The following KRT37 variants were observed in gnomAD, a reference collection of about 807,000 sequenced individuals.
The protein encoded by KRT37 is keratin, type I cuticular Ha7.
KRT37 carries 38 observed loss-of-function variants against 41.9 expected under a neutral mutation model. The ratio of observed to expected loss-of-function variants is 0.91; its 90% CI spans 0.70 to 1.19. The LOEUF is 1.19. Ranked by LOEUF, KRT37 falls within the 50% of genes most tolerant of loss-of-function variation. The pLI, the probability that KRT37 is intolerant of heterozygous loss-of-function variation, is 0.00. For missense variants in KRT37, 580 were observed against 575.5 expected (o/e 1.01, Z -0.08); for synonymous variants, 252 against 243.4 (o/e 1.04, Z -0.33).
At chr17:41,423,077 G>A (rs970945517) in intron 2 of KRT37, 143 bp from the exon 3 acceptor site, 2 of 999,484 alleles carry the variant, frequency 2.0e-6, no homozygotes, top group Non-Finnish European at 2.8e-6. Context: ...GCAGCGACAC[G>A]GTTTGTAGTC....
intron 3 of KRT37, 51 bp downstream of exon 3, chr17:41,422,727 C>T (rs375032314): frequency 5.4e-6 from 8 of 1,472,078 alleles, no homozygotes; most frequent in Non-Finnish European, 7.3e-6. Context: ...CCGGGGAGCT[C>T]CCCTGTCTGC....
At chr17:41,421,120 C>T (rs2018533676) in intron 6 of KRT37, 134 bp from the exon 7 acceptor site, 8 of 778,054 alleles carry the variant, frequency 1.0e-5, no homozygotes, top group Middle Eastern at 2.7e-4. Flanking sequence ...ACAGTTCTCT[C>T]ATCTGTGTCT....
At position 41,420,820 on chromosome 17, in the gene KRT37, G is replaced by A. The variant is rs2018528798; in HGVS notation, c.*58C>T. 1.7e-6 allele frequency: 2 copies of A among 1,145,462 alleles called. No homozygotes were observed. Among genetic ancestry groups the A allele is most frequent in the Admixed American group, 1.9e-5 (1 of 53,712 alleles). 71.0% of individuals were successfully genotyped at this position (1,145,462 alleles called of 1,614,324 possible). A position where few individuals can be genotyped will look rare whatever the true frequency, so the allele number is the denominator to read the frequency against. On this transcript the variant is annotated 3_prime_UTR_variant, in exon 7 of 7. Coordinates refer to ENST00000225550, the MANE Select transcript of KRT37 (RefSeq NM_003770.5). ...GTCTTGAAGGAAGACTGGGCAAGGT[G>A]AGGGCACTCCTGACCCCAGTGCAAC...
At position 41,423,816 on chromosome 17, in the gene KRT37, C is replaced by G; in HGVS notation, c.521G>C (p.Arg174Thr). Residue 174 changes from arginine (R) to threonine (T), a missense_variant, in exon 2 of 7, where the codon AGG becomes ACG. Physicochemically the swap from Arg to Thr is moderately conservative, Grantham distance 71. Coordinates refer to ENST00000225550, the MANE Select transcript of KRT37 (RefSeq NM_003770.5). ...KILCSKAENARLIVQIDNAKL... is the reference protein window; with the variant it reads ...KILCSKAENATLIVQIDNAKL... ...CGCGTTGTCAATTTGTACAATCAGC[C>G]TGGCATTCTCAGCCTTGCTGCACAG... 1 of 1,614,226 alleles carries G rather than the reference C, an allele frequency of 6.2e-7. No homozygotes were observed. The highest frequency in any genetic ancestry group is 8.5e-7 in the Non-Finnish European group (1 of 1,180,054).
At chr17:41,421,690 T>C (rs1043662118) in intron 5 of KRT37, 103 bp from the exon 6 acceptor site, 158 of 1,079,708 alleles carry the variant, frequency 1.5e-4, no homozygotes, top group South Asian at 1.2e-4. Flanking sequence ...CAAAATGTCA[T>C]AGGACATTCT....
Position 41,423,786 on chromosome 17 carries a change from A to G in KRT37, c.551T>C (p.Leu184Pro). The change falls in exon 2 of 7, where the codon CTG becomes CCG. Residue 184 changes from leucine to proline, a missense_variant. Coordinates refer to ENST00000225550, the MANE Select transcript of KRT37 (RefSeq NM_003770.5). ...CTTGATCCTAAAGTCATCAGCAGCC[A>G]GCTTCGCGTTGTCAATTTGTACAAT... is the stretch of plus-strand genomic sequence containing the variant. Reference protein sequence around the residue: ...RLIVQIDNAKLAADDFRIKLE... With the variant: ...RLIVQIDNAKPAADDFRIKLE... 6.2e-7 allele frequency: 1 copy of G among 1,614,208 alleles called. No individual in the cohort carries two copies. Among genetic ancestry groups the G allele is most frequent in the Non-Finnish European group, 8.5e-7 (1 of 1,180,030 alleles).
chr17:41,422,979 C>A, intron 2 of KRT37, 45 bp from the exon 3 acceptor site: 2 of 1,580,874 alleles, frequency 1.3e-6, no homozygotes, highest in South Asian at 2.3e-5. Flanking sequence ...GCCCCAATAG[C>A]CCCTCTCAGC....
rs1487251315 is a variant in KRT37, at chr17:41,421,578, G to C, written c.1030C>G (p.Leu344Val). 1 of 1,614,150 alleles carries C rather than the reference G, an allele frequency of 6.2e-7. No individual in the cohort carries two copies. ...TCCGCTTCACACAGGGAGTTCTGCAGACAGTCCTTCTGTAATGGGAAATAA... is the reference window on the plus strand; with the variant it reads ...TCCGCTTCACACAGGGAGTTCTGCACACAGTCCTTCTGTAATGGGAAATAA... The part of the protein sequence containing the change: ...RQAQHTLKDC[L>V]QNSLCEAEDR... Residue 344 changes from leucine to valine, a missense_variant, in exon 6 of 7, where the codon CTG becomes GTG. Physicochemically the swap from Leu to Val is conservative, Grantham distance 32 (BLOSUM62 1). Coordinates refer to ENST00000225550, the MANE Select transcript of KRT37 (RefSeq NM_003770.5).
At chr17:41,422,509 T>A in intron 3 of KRT37, 75 bp from the exon 4 acceptor site, 3 of 1,566,088 alleles carry the variant, frequency 1.9e-6, no homozygotes, top group Non-Finnish European at 2.6e-6. Flanking sequence ...CAGGACTCCG[T>A]CCCTGGCAAG....
chr17:41,421,726 A>G lies in KRT37; in HGVS notation c.1021-139T>C, dbSNP rs2018542333. ...CAGAGCTCTGGAGAAATCACTGTCA[A>G]CATGACCATGACTTCTCTCTCATGC... is the stretch of plus-strand genomic sequence containing the variant. On this transcript the variant is annotated intron_variant, in intron 5 of 6. Transcript: ENST00000225550. 4.8e-6 allele frequency: 4 copies of G among 835,848 alleles called. No homozygotes were observed. The South Asian group carries it at 5.3e-5, about 11-fold the overall frequency. 51.8% of individuals were successfully genotyped at this position (835,848 alleles called of 1,614,324 possible).
At position 41,422,864 on chromosome 17, in the gene KRT37, C is replaced by T. The variant is rs1407474978; in HGVS notation, c.646G>A (p.Asp216Asn). ...AGGTCGGCCTTGGCCAGGGTCGCGT[C>T]ATCCAGGAGCTTCTGCGTCCCGCAC... Reference protein sequence around the residue: ...DKCGTQKLLDDATLAKADLEA... With the variant: ...DKCGTQKLLDNATLAKADLEA... The change falls in exon 3 of 7, where the codon GAC becomes AAC. Residue 216 changes from aspartate (D) to asparagine (N), a missense_variant. By Grantham distance (23) the Asp-to-Asn change is conservative. Transcript: ENST00000225550. 9 of 1,614,174 alleles carry T rather than the reference C, an allele frequency of 5.6e-6. No homozygotes were observed. The highest frequency in any genetic ancestry group is 2.2e-5 in the East Asian group (1 of 44,866).
Position 41,421,383 on chromosome 17 carries a change from C to G in KRT37, c.1225G>C (p.Glu409Gln). 1 of 1,614,238 alleles carries G rather than the reference C, an allele frequency of 6.2e-7. No individual in the cohort carries two copies. The highest frequency in any genetic ancestry group is 8.5e-7 in the Non-Finnish European group (1 of 1,180,040). Residue 409 changes from glutamate to glutamine, a missense_variant, in exon 6 of 7, where the codon GAG (glutamate) becomes CAG (glutamine). Transcript: ENST00000225550. Reference sequence around the variant, plus strand: ...CACACGTACTTGCAGTCCTCGCTCTCCAGAAGGTTCCGGTATGTGGCAATC... The same window carrying G: ...CACACGTACTTGCAGTCCTCGCTCTGCAGAAGGTTCCGGTATGTGGCAATC... ...NEIATYRNLL[E>Q]SEDCKLPCNP...
In KRT37 at chr17:41,422,953, C is replaced by G; in HGVS notation, c.576-19G>C. 1.1e-5 allele frequency: 18 copies of G among 1,606,000 alleles called. No homozygotes were observed. The highest frequency in any genetic ancestry group is 1.4e-5 in the Non-Finnish European group (17 of 1,175,568). ...CTCCAGCCTTCCGTCACAGGAGGCA[C>G]AGGGTCAAAAAGAATGCCCCAATAG... On this transcript the variant is annotated intron_variant, in intron 2 of 6. Coordinates refer to ENST00000225550, the MANE Select transcript of KRT37 (RefSeq NM_003770.5).
In KRT37 at chr17:41,421,392, T is replaced by G. The variant is rs760083092; in HGVS notation, c.1216A>C (p.Asn406His). The G allele has an allele frequency of 7.4e-6, 12 of 1,614,186 alleles. No homozygotes were observed. The highest frequency in any genetic ancestry group is 1.0e-5 in the Non-Finnish European group (12 of 1,180,018). The change falls in exon 6 of 7, where the codon AAC (asparagine) becomes CAC (histidine). Residue 406 changes from asparagine to histidine, a missense_variant. Asn to His is a moderately conservative substitution (Grantham distance 68, BLOSUM62 1). Transcript: ENST00000225550. ...TTGCAGTCCTCGCTCTCCAGAAGGT[T>G]CCGGTATGTGGCAATCTCGTTCTCC... ...RLENEIATYRNLLESEDCKLP... is the reference protein window; with the variant it reads ...RLENEIATYRHLLESEDCKLP...
At chr17:41,422,724 G>A (rs2018558918) in intron 3 of KRT37, 54 bp downstream of exon 3, 4 of 1,460,376 alleles carry the variant, frequency 2.7e-6, no homozygotes, top group Non-Finnish European at 3.7e-6. Context: ...GGGCCGGGGA[G>A]CTCCCCTGTC....
chr17:41,422,010 G>T, intron 5 of KRT37, 59 bp downstream of exon 5: 2 of 1,612,188 alleles, frequency 1.2e-6, no homozygotes, highest in Non-Finnish European at 1.7e-6. Flanking sequence ...TTTAAGAGAT[G>T]CTACTACCAG....
In KRT37 at chr17:41,424,071, G is replaced by A; in HGVS notation, c.453C>T (p.Tyr151=). ...CCTCGATTGTACGGAAGTAGGACTG[G>A]TAGTCGGGGCACACGGTGGACTCGT... is the stretch of plus-strand genomic sequence containing the variant. ...KCHESTVCPD[Y]QSYFRTIEEL... is the part of the protein sequence containing the mutation. Residue 151 remains tyrosine, a synonymous_variant, in exon 1 of 7, where the codon TAC becomes TAT. Transcript: ENST00000225550. The A allele has an allele frequency of 6.2e-7, 1 of 1,614,206 alleles. No individual in the cohort carries two copies. The highest frequency in any genetic ancestry group is 8.5e-7 in the Non-Finnish European group (1 of 1,180,038).
chr17:41,422,614 G>T (rs1261284699), intron 3 of KRT37, among the ~76,000 whole-genome samples, 164 bp downstream of exon 3: 2 of 152,018 alleles, frequency 1.3e-5, no homozygotes, highest in African/African-American at 2.4e-5. Flanking sequence ...CATGCCCAAG[G>T]CAAGTCTGCA....
At chr17:41,423,875 A>C in intron 1 of KRT37, 31 bp from the exon 2 acceptor site, 1 of 1,613,014 alleles carries the variant, frequency 6.2e-7, no homozygotes, top group Non-Finnish European at 8.5e-7. Context: ...GTTCACACAC[A>C]AAGCACCATA....
Sources: allele counts gnomAD v4.1 joint callset (sites outside exome capture counted in the v4.1 genomes callset), GRCh38; gene constraint gnomAD v4.1.1; transcripts MANE v1.5; gene names NCBI Gene and HGNC (gene_info 2026-07-23, HGNC 2026-07-21).